The following CSGALNACT1 variants were observed in gnomAD, a reference collection of about 807,000 sequenced individuals.
CSGALNACT1 encodes the protein beta4GalNAcT-1.
CSGALNACT1 carries 52 observed loss-of-function variants against 51.0 expected under a neutral mutation model. The ratio of observed to expected loss-of-function variants is 1.02; its 90% CI spans 0.82 to 1.29. The LOEUF is 1.29. Ranked by LOEUF, CSGALNACT1 falls within the 50% of genes most tolerant of loss-of-function variation. The probability of loss-of-function intolerance (pLI) is 0.00; values close to 1 mark genes in which losing one functional copy is unlikely to be tolerated. For synonymous variants in CSGALNACT1, 341 were observed against 254.4 expected (o/e 1.34, Z -3.24); for missense variants, 935 against 679.2 (o/e 1.38, Z -4.19).
intron 7 of CSGALNACT1, among the ~76,000 whole-genome samples, chr8:19,419,536 T>C (rs1329215628): frequency 6.6e-6 from 1 of 152,228 alleles, no homozygotes; most frequent in African/African-American, 2.4e-5. Flanking sequence ...ATCAGCTCAA[T>C]AGCAGCCTTG....
chr8:19,625,994 T>C lies in CSGALNACT1; in HGVS notation c.-543-24129A>G, dbSNP rs561365119. Reference sequence around the variant, plus strand: ...CTTTAAACTGAGACAATAAAACACATACAGGATGAAGAAAGTATTAACATT... The same window carrying C: ...CTTTAAACTGAGACAATAAAACACACACAGGATGAAGAAAGTATTAACATT... On this transcript the variant is annotated intron_variant, in intron 1 of 9. Coordinates refer to the CSGALNACT1 transcript ENST00000332246. Among the ~76,000 whole-genome samples, 14 of 152,248 alleles carry C rather than the reference T, an allele frequency of 9.2e-5. No individual in the cohort carries two copies. In the East Asian group the frequency reaches 2.7e-3, roughly 29 times the overall value.
chr8:19,750,813 G>C (rs1420642286), intron 1 of CSGALNACT1, among the ~76,000 whole-genome samples: 1 of 152,124 alleles, frequency 6.6e-6, no homozygotes. Context: ...TGCATGAATG[G>C]CTGACTCCAG....
intron 1 of CSGALNACT1, among the ~76,000 whole-genome samples, chr8:19,626,212 G>A (rs2054434004): frequency 6.6e-6 from 1 of 152,154 alleles, no homozygotes; most frequent in African/African-American, 2.4e-5. Context: ...GGTATTTGCA[G>A]AGAAAAAGGT....
chr8:19,542,690 T>C (rs2085494179), intron 3 of CSGALNACT1, among the ~76,000 whole-genome samples: 1 of 152,166 alleles, frequency 6.6e-6, no homozygotes, highest in Non-Finnish European at 1.5e-5. Flanking sequence ...CTGCCAGCCA[T>C]CTCTTCATTA....
chr8:19,649,849 C>CG (rs71545562), intron 1 of CSGALNACT1, among the ~76,000 whole-genome samples: 247 of 18,462 alleles, frequency 0.013, 2 homozygotes, highest in Middle Eastern at 0.083. Flanking sequence ...AAAAAAACCA[C>CG]GGGGGGAGGC....
rs150493170 is a variant in CSGALNACT1, at chr8:19,436,571, A to T, written c.953+3259T>A. ...AGCTTTATCACCTTAAAAATAATTT[A>T]AAAATGTTTAAATAAAGTTTCATGT... On this transcript the variant is annotated intron_variant, in intron 6 of 9. Coordinates refer to ENST00000454498, the Ensembl canonical transcript of CSGALNACT1. 2.5e-3 allele frequency among the ~76,000 whole-genome samples: 384 copies of T among 152,308 alleles called. 3 individuals carry two copies. The highest frequency in any genetic ancestry group is 8.4e-3 in the African/African-American group (351 of 41,554).
chr8:19,657,613 T>A (rs536073504), intron 1 of CSGALNACT1, among the ~76,000 whole-genome samples: 2 of 152,322 alleles, frequency 1.3e-5, no homozygotes, highest in East Asian at 3.9e-4. Flanking sequence ...ATAAAATACC[T>A]TCCATGTGAA....
chr8:19,599,616 A>G (rs2049963436), intron 2 of CSGALNACT1, among the ~76,000 whole-genome samples: 1 of 152,172 alleles, frequency 6.6e-6, no homozygotes, highest in Non-Finnish European at 1.5e-5. Flanking sequence ...AAGAAAGAAT[A>G]AATAAATAAG....
intron 4 of CSGALNACT1, among the ~76,000 whole-genome samples, chr8:19,466,343 G>A (rs1255169042): frequency 2.0e-5 from 3 of 152,108 alleles, no homozygotes; most frequent in Non-Finnish European, 4.4e-5. Context: ...GAGAAGCGAT[G>A]ATCATTTAAG....
intron 7 of CSGALNACT1, among the ~76,000 whole-genome samples, chr8:19,419,224 A>T (rs115183309): frequency 6.6e-6 from 1 of 152,190 alleles, no homozygotes; most frequent in African/African-American, 2.4e-5. Context: ...CCAGACAGTC[A>T]TATCTGCAAA....
At chr8:19,496,788 C>A (rs2075555065) in intron 4 of CSGALNACT1, among the ~76,000 whole-genome samples, 1 of 152,148 alleles carries the variant, frequency 6.6e-6, no homozygotes, top group Non-Finnish European at 1.5e-5. Flanking sequence ...AGGCTCAGTG[C>A]AGATGAGTAG....
chr8:19,753,746 G>A (rs968010466), intron 1 of CSGALNACT1, among the ~76,000 whole-genome samples: 1 of 152,082 alleles, frequency 6.6e-6, no homozygotes, highest in Non-Finnish European at 1.5e-5. Flanking sequence ...AAAATATAAT[G>A]TTCTCATTCA....
chr8:19,457,834 G>C, intron 5 of CSGALNACT1: 1 of 1,349,050 alleles, frequency 7.4e-7, no homozygotes, highest in Non-Finnish European at 9.8e-7. Flanking sequence ...ATGAAACCCA[G>C]CTTAGTCTCA....
At chr8:19,741,368 G>T (rs2064302117) in intron 1 of CSGALNACT1, among the ~76,000 whole-genome samples, 1 of 152,060 alleles carries the variant, frequency 6.6e-6, no homozygotes, top group African/African-American at 2.4e-5. Context: ...TTTGAGACCA[G>T]CCCAGCCAAG....
intron 6 of CSGALNACT1, among the ~76,000 whole-genome samples, chr8:19,431,781 C>T (rs947110522): frequency 6.7e-6 from 1 of 150,212 alleles, no homozygotes; most frequent in South Asian, 2.1e-4. Context: ...AGCAGCGAAG[C>T]CTGGGCTTTC....
intron 3 of CSGALNACT1, among the ~76,000 whole-genome samples, chr8:19,544,311 T>C (rs2085973658): frequency 6.6e-6 from 1 of 152,204 alleles, no homozygotes. Context: ...TATAATTTAA[T>C]AGAACTAATC....
At chr8:19,532,907 A>G (rs1302530406) in intron 3 of CSGALNACT1, among the ~76,000 whole-genome samples, 1 of 152,130 alleles carries the variant, frequency 6.6e-6, no homozygotes, top group African/African-American at 2.4e-5. Flanking sequence ...CGGACTCAGT[A>G]TTTTCCAACT....
chr8:19,434,407 T>A (rs74664515), intron 6 of CSGALNACT1, among the ~76,000 whole-genome samples: 1 of 152,202 alleles, frequency 6.6e-6, no homozygotes, highest in Non-Finnish European at 1.5e-5. Flanking sequence ...TTACCACATT[T>A]GCTTTTTTTC....
chr8:19,438,366 C>A (rs2060741757), intron 6 of CSGALNACT1, among the ~76,000 whole-genome samples: 1 of 152,170 alleles, frequency 6.6e-6, no homozygotes, highest in Non-Finnish European at 1.5e-5. Flanking sequence ...ACCCACTGGG[C>A]AGAGGACATG....
Sources: allele counts gnomAD v4.1 joint callset (sites outside exome capture counted in the v4.1 genomes callset), GRCh38; gene constraint gnomAD v4.1.1; transcripts MANE v1.5; gene names NCBI Gene and HGNC (gene_info 2026-07-23, HGNC 2026-07-21).